SHISA9: variants seen among roughly 807,000 people sequenced by gnomAD.
SHISA9 encodes the protein protein shisa-9.
A neutral mutation model predicts 38.0 loss-of-function variants in SHISA9; 13 were observed. The ratio of observed to expected loss-of-function variants is 0.34; its 90% CI spans 0.22 to 0.54. The LOEUF (loss-of-function observed/expected upper bound fraction) is 0.54. SHISA9 is among the 20% of genes least tolerant of loss of function. The pLI is 0.91. For synonymous variants in SHISA9, 275 were observed against 242.0 expected, an observed-to-expected ratio of 1.14 and a Z score of -1.27; for missense variants, 538 against 575.8, an observed-to-expected ratio of 0.93 and a Z score of 0.67.
At chr16:13,298,414 T>G in the SHISA9 span, among the ~76,000 whole-genome samples, 4 of 152,206 alleles carry the variant, frequency 2.6e-5, no homozygotes, top group African/African-American at 9.6e-5. Flanking sequence ...ATGACTCACA[T>G]AATTAAGAGA....
At chr16:13,364,534 C>G in the SHISA9 span, among the ~76,000 whole-genome samples, 1 of 152,176 alleles carries the variant, frequency 6.6e-6, no homozygotes, top group Admixed American at 6.5e-5. Context: ...TTATTCAACA[C>G]ACAATATACC....
chr16:13,248,581 A>T, the SHISA9 span, among the ~76,000 whole-genome samples: 7 of 152,334 alleles, frequency 4.6e-5, no homozygotes, highest in Non-Finnish European at 7.3e-5. Context: ...AAGCCCAGTC[A>T]TACCAACCTT....
intron 2 of SHISA9, among the ~76,000 whole-genome samples, chr16:12,949,905 T>C (rs2071733173): frequency 6.6e-6 from 1 of 152,176 alleles, no homozygotes. Context: ...TTTTGATATA[T>C]GTAATAAATT....
intron 2 of SHISA9, among the ~76,000 whole-genome samples, chr16:12,973,219 C>A (rs1308731584): frequency 2.6e-5 from 4 of 152,232 alleles, no homozygotes; most frequent in Non-Finnish European, 2.9e-5. Flanking sequence ...AGCCTGGCAG[C>A]TGAATCCCAT....
the SHISA9 span, among the ~76,000 whole-genome samples, chr16:13,394,857 G>A: frequency 1.3e-5 from 2 of 151,760 alleles, no homozygotes; most frequent in African/African-American, 4.8e-5. Context: ...GCACACAAAC[G>A]AATCCCAAGG....
the SHISA9 span, among the ~76,000 whole-genome samples, chr16:13,414,369 C>T: frequency 6.6e-6 from 1 of 152,132 alleles, no homozygotes; most frequent in Non-Finnish European, 1.5e-5. Flanking sequence ...TGGTGCTCAG[C>T]TCCAGCAGAT....
the SHISA9 span, among the ~76,000 whole-genome samples, chr16:13,320,194 G>A: frequency 2.0e-5 from 3 of 148,172 alleles, no homozygotes; most frequent in East Asian, 6.2e-4. Context: ...AGGAGGCTGA[G>A]GCAGGAGAAT....
At chr16:13,292,409 CT>C in the SHISA9 span, among the ~76,000 whole-genome samples, 2 of 152,164 alleles carry the variant, frequency 1.3e-5, no homozygotes, top group South Asian at 4.2e-4. Flanking sequence ...TTGAAATAAC[CT>C]TGCGTTTATG....
the SHISA9 span, among the ~76,000 whole-genome samples, chr16:13,559,558 T>TA: frequency 5.3e-5 from 8 of 151,890 alleles, no homozygotes; most frequent in African/African-American, 1.5e-4. Flanking sequence ...TATATATATA[T>TA]TTTTTCTAGA....
At chr16:12,935,264 A>T (rs991081988) in intron 2 of SHISA9, among the ~76,000 whole-genome samples, 1 of 152,154 alleles carries the variant, frequency 6.6e-6, no homozygotes, top group African/African-American at 2.4e-5. Flanking sequence ...AAAGACCCAA[A>T]CAAATTCCAT....
At chr16:13,073,962 T>TG (rs2073549709) in intron 2 of SHISA9, among the ~76,000 whole-genome samples, 1 of 130,068 alleles carries the variant, frequency 7.7e-6, no homozygotes, top group Non-Finnish European at 1.5e-5. Flanking sequence ...TGGTCGTTTT[T>TG]TTTTTTGTTT....
At chr16:13,429,043 A>C in the SHISA9 span, among the ~76,000 whole-genome samples, 1 of 152,170 alleles carries the variant, frequency 6.6e-6, no homozygotes. Context: ...CTGGGATTAC[A>C]GGCGTGAGCC....
the SHISA9 span, among the ~76,000 whole-genome samples, chr16:13,366,982 C>CA: frequency 2.7e-3 from 248 of 92,464 alleles, 2 homozygotes; most frequent in African/African-American, 7.8e-3. Context: ...GGCTCCATCT[C>CA]AAAAAAAAAA....
At chr16:13,401,435 C>G in the SHISA9 span, among the ~76,000 whole-genome samples, 1 of 152,276 alleles carries the variant, frequency 6.6e-6, no homozygotes, top group African/African-American at 2.4e-5. Flanking sequence ...CTAGAAAGAC[C>G]CTGCTATGGG....
chr16:12,925,447 A>ATGTGTGTGTGTG (rs1555500777), intron 2 of SHISA9, among the ~76,000 whole-genome samples: 1 of 66,204 alleles, frequency 1.5e-5, no homozygotes, highest in Non-Finnish European at 3.3e-5. Flanking sequence ...GTGTGTGTGT[A>ATGTGTGTGTGTG]TGTGTGTGTG....
At chr16:13,178,326 G>GTT (rs11442158) in intron 2 of SHISA9, among the ~76,000 whole-genome samples, 38 of 142,396 alleles carry the variant, frequency 2.7e-4, no homozygotes, top group African/African-American at 9.7e-4. Context: ...CTCTCTCTGG[G>GTT]TTTTTTTTTT....
the SHISA9 span, among the ~76,000 whole-genome samples, chr16:13,452,228 A>G: frequency 6.6e-6 from 1 of 152,226 alleles, no homozygotes; most frequent in Non-Finnish European, 1.5e-5. Flanking sequence ...CACAGGGGTA[A>G]TAAAGAAACA....
At chr16:13,512,783 T>C in the SHISA9 span, among the ~76,000 whole-genome samples, 1 of 152,144 alleles carries the variant, frequency 6.6e-6, no homozygotes, top group African/African-American at 2.4e-5. Flanking sequence ...TAATAAATGG[T>C]GTTGGGAAAA....
At chr16:13,288,806 C>T in the SHISA9 span, among the ~76,000 whole-genome samples, 2 of 152,028 alleles carry the variant, frequency 1.3e-5, no homozygotes, top group African/African-American at 4.8e-5. Flanking sequence ...AAAACAAAAA[C>T]AAAAACAACC....
Sources: allele counts gnomAD v4.1 joint callset (sites outside exome capture counted in the v4.1 genomes callset), GRCh38; gene constraint gnomAD v4.1.1; transcripts MANE v1.5; gene names NCBI Gene and HGNC (gene_info 2026-07-23, HGNC 2026-07-21).